HS6ST3: variants seen among roughly 807,000 people sequenced by gnomAD.
HS6ST3 encodes heparan sulfate 6-O-sulfotransferase 3.
A neutral mutation model predicts 36.7 loss-of-function variants in HS6ST3; 12 were observed. The observed-to-expected ratio is 0.33, with a 90% CI of 0.21 to 0.53. The LOEUF (loss-of-function observed/expected upper bound fraction) is 0.53. Among genes scored for constraint, HS6ST3 ranks in the 20% least tolerant of loss-of-function variants. The pLI is 0.95. For synonymous variants in HS6ST3, 240 were observed against 257.5 expected (o/e 0.93, Z 0.65); for missense variants, 584 against 640.9 (o/e 0.91, Z 0.96).
intron 1 of HS6ST3, among the ~76,000 whole-genome samples, chr13:96,831,954 C>CAAAAAAAAAA (rs35266831): frequency 0.012 from 266 of 21,848 alleles, 60 homozygotes; most frequent in East Asian, 0.02. Context: ...GACTCCCTCT[C>CAAAAAAAAAA]AAAAAAAAAA....
intron 1 of HS6ST3, among the ~76,000 whole-genome samples, chr13:96,615,320 G>A (rs2138991245): frequency 6.6e-6 from 1 of 152,296 alleles, no homozygotes; most frequent in African/African-American, 2.4e-5. Context: ...ACATATCCCT[G>A]ATTCTCTTTT....
chr13:96,249,867 A>C (rs899887846), intron 1 of HS6ST3, among the ~76,000 whole-genome samples: 1 of 152,172 alleles, frequency 6.6e-6, no homozygotes, highest in Non-Finnish European at 1.5e-5. Context: ...TTATTATTCT[A>C]CTTAGATGAG....
chr13:96,602,642 G>T (rs2056425706), intron 1 of HS6ST3, among the ~76,000 whole-genome samples: 1 of 152,272 alleles, frequency 6.6e-6, no homozygotes, highest in African/African-American at 2.4e-5. Context: ...CACTAAAGTT[G>T]TCCCAGCAGT....
chr13:96,268,659 A>G (rs1057058086), intron 1 of HS6ST3, among the ~76,000 whole-genome samples: 2 of 152,042 alleles, frequency 1.3e-5, no homozygotes, highest in African/African-American at 4.8e-5. Context: ...TTCATTAGTA[A>G]TCATGATAAC....
chr13:96,450,155 A>G (rs367767198), intron 1 of HS6ST3, among the ~76,000 whole-genome samples: 1 of 152,306 alleles, frequency 6.6e-6, no homozygotes, highest in East Asian at 1.9e-4. Flanking sequence ...AGGTCAGTGA[A>G]TTTGGAAACA....
chr13:96,307,552 G>A (rs996723380), intron 1 of HS6ST3, among the ~76,000 whole-genome samples: 51 of 151,958 alleles, frequency 3.4e-4, no homozygotes, highest in African/African-American at 1.1e-3. Context: ...TGAACCTGTG[G>A]TGTTTACTAA....
Position 96,594,036 on chromosome 13 carries a change from G to A in HS6ST3, c.708-238454G>A, listed in dbSNP as rs114930798. 5.4e-3 allele frequency among the ~76,000 whole-genome samples: 823 copies of A among 151,424 alleles called. 5 individuals carry two copies. Among genetic ancestry groups the A allele is most frequent in the African/African-American group, 0.019 (775 of 41,294 alleles). ...CAATGGCGCGATCTCAGCTCACCGC[G>A]ATCTCAGCTCACCACAACCTCCGCC... On this transcript the variant is annotated intron_variant, in intron 1 of 1. Transcript: ENST00000376705.
intron 1 of HS6ST3, among the ~76,000 whole-genome samples, chr13:96,356,762 C>T (rs942857119): frequency 6.6e-6 from 1 of 152,102 alleles, no homozygotes; most frequent in East Asian, 1.9e-4. Flanking sequence ...TTAAAGTCAC[C>T]AGCTGCATTA....
chr13:96,208,334 T>G (rs913780729), intron 1 of HS6ST3, among the ~76,000 whole-genome samples: 1 of 152,194 alleles, frequency 6.6e-6, no homozygotes, highest in Non-Finnish European at 1.5e-5. Flanking sequence ...CTTTCAGTCC[T>G]GATGGATTTT....
intron 1 of HS6ST3, among the ~76,000 whole-genome samples, chr13:96,198,081 AC>A (rs1325844105): frequency 6.6e-6 from 1 of 152,154 alleles, no homozygotes; most frequent in Non-Finnish European, 1.5e-5. Context: ...ACTTCTGTGC[AC>A]CCACAAGCTC....
chr13:96,818,904 T>A (rs1878476290), intron 1 of HS6ST3, among the ~76,000 whole-genome samples: 2 of 152,186 alleles, frequency 1.3e-5, no homozygotes, highest in Admixed American at 1.3e-4. Context: ...TTGAATAAAC[T>A]CCCACTAGCC....
chr13:96,582,800 A>G (rs2056346571), intron 1 of HS6ST3, among the ~76,000 whole-genome samples: 3 of 152,126 alleles, frequency 2.0e-5, no homozygotes, highest in East Asian at 1.9e-4. Context: ...ACATATGCAT[A>G]TATTTGTCCA....
At chr13:96,694,713 T>A (rs1875072665) in intron 1 of HS6ST3, among the ~76,000 whole-genome samples, 1 of 152,216 alleles carries the variant, frequency 6.6e-6, no homozygotes, top group Admixed American at 6.5e-5. Context: ...ATTTTTTGAC[T>A]TTTTAATAAT....
chr13:96,710,315 T>C (rs1321674928), intron 1 of HS6ST3, among the ~76,000 whole-genome samples: 1 of 152,164 alleles, frequency 6.6e-6, no homozygotes, highest in Non-Finnish European at 1.5e-5. Context: ...CCACACTCAT[T>C]TGGGGGCCTG....
intron 1 of HS6ST3, among the ~76,000 whole-genome samples, chr13:96,272,607 G>T (rs1252223008): frequency 6.6e-6 from 1 of 151,956 alleles, no homozygotes; most frequent in African/African-American, 2.4e-5. Flanking sequence ...TAATGCAAAA[G>T]AAGTAAATTC....
intron 1 of HS6ST3, among the ~76,000 whole-genome samples, chr13:96,116,920 G>A (rs2053896691): frequency 6.6e-6 from 1 of 152,106 alleles, no homozygotes; most frequent in South Asian, 2.1e-4. Flanking sequence ...TTTATATGAA[G>A]TAAGGGGAAA....
chr13:96,735,083 GA>G (rs1420089165), intron 1 of HS6ST3, among the ~76,000 whole-genome samples: 2 of 152,130 alleles, frequency 1.3e-5, no homozygotes, highest in Non-Finnish European at 2.9e-5. Flanking sequence ...AGTTGACAAA[GA>G]AAGTAAAGTC....
In HS6ST3 at chr13:96,296,519, A is replaced by G. The variant is rs908599466; in HGVS notation, c.707+204950A>G. Among the ~76,000 whole-genome samples, 3 of 152,268 alleles carry G rather than the reference A, an allele frequency of 2.0e-5. No individual in the cohort carries two copies. In the South Asian group the frequency reaches 6.2e-4, roughly 32 times the overall value. On this transcript the variant is annotated intron_variant, in intron 1 of 1. Coordinates refer to ENST00000376705, the MANE Select transcript of HS6ST3 (RefSeq NM_153456.4). ...GTCTGTAGATTGTGAACTACAGAAC[A>G]ACGGTGAGAAAAGCTGGCACAAAAT...
At chr13:96,641,920 G>A (rs1340532707) in intron 1 of HS6ST3, among the ~76,000 whole-genome samples, 1 of 151,610 alleles carries the variant, frequency 6.6e-6, no homozygotes, top group African/African-American at 2.4e-5. Context: ...AAAGGGATTA[G>A]CAACAAACAA....
Sources: gnomAD v4.1 joint callset for allele counts (sites outside exome capture counted in the v4.1 genomes callset) on GRCh38, gnomAD v4.1.1 for gene constraint, MANE v1.5 for transcripts, NCBI Gene and HGNC (gene_info 2026-07-23, HGNC 2026-07-21) for gene names.